The following MIPEP variants were observed in gnomAD, a reference collection of about 807,000 sequenced individuals.
MIPEP encodes the protein mitochondrial intermediate peptidase.
Under a neutral mutation model 90.3 loss-of-function variants are expected in MIPEP, and 79 were observed. The ratio of observed to expected loss-of-function variants is 0.87; its 90% CI spans 0.73 to 1.05. MIPEP has a LOEUF of 1.05. MIPEP is among the 50% of genes least tolerant of loss of function. The pLI, the probability that MIPEP is intolerant of heterozygous loss-of-function variation, is 0.00. For synonymous variants in MIPEP, 334 were observed against 315.8 expected (o/e 1.06, Z -0.61); for missense variants, 940 against 905.6 (o/e 1.04, Z -0.49).
intron 16 of MIPEP, among the ~76,000 whole-genome samples, chr13:23,783,677 G>A (rs1047435342): frequency 2.4e-4 from 36 of 152,304 alleles, no homozygotes; most frequent in African/African-American, 8.4e-4. Flanking sequence ...GTTTGCAGAT[G>A]ACATGATTGT....
chr13:23,848,998 G>A (rs748373926), intron 10 of MIPEP, among the ~76,000 whole-genome samples: 2 of 152,180 alleles, frequency 1.3e-5, no homozygotes, highest in South Asian at 2.1e-4. Flanking sequence ...TCAGGAGGGC[G>A]TGACTGCTGT....
intron 16 of MIPEP, among the ~76,000 whole-genome samples, chr13:23,769,140 G>A (rs765439388): frequency 2.1e-4 from 32 of 152,070 alleles, no homozygotes; most frequent in Non-Finnish European, 3.4e-4. Context: ...CATTCTAAAG[G>A]AACCCATGCT....
chr13:23,864,336 T>G, intron 7 of MIPEP, 147 bp from the exon 8 acceptor site: 1 of 597,012 alleles, frequency 1.7e-6, no homozygotes, highest in Non-Finnish European at 2.9e-6. Context: ...TACCAACATA[T>G]ACCAAACATA....
chr13:23,816,220 T>C (rs1401002996), intron 14 of MIPEP, among the ~76,000 whole-genome samples: 1 of 152,214 alleles, frequency 6.6e-6, no homozygotes, highest in Non-Finnish European at 1.5e-5. Flanking sequence ...TTCTCAGTTA[T>C]TATGCCATCA....
rs189940051 is a variant in MIPEP at position 23,805,023 on chromosome 13, G to C, written c.1848+927C>G. Among the ~76,000 whole-genome samples, 6 of 152,286 alleles carry C rather than the reference G, an allele frequency of 3.9e-5. No individual in the cohort carries two copies. The East Asian group carries it at 1.2e-3, about 29-fold the overall frequency. ...CCGAGCTGAGAGGCAGAAAGAGAGA[G>C]AAACATTTCTAACGACATTGTGGGA... On this transcript the variant is annotated intron_variant, in intron 16 of 18. Transcript: ENST00000382172.
In MIPEP at chr13:23,732,762, T is replaced by C. The variant is rs1184070143; in HGVS notation, c.2045-2317A>G. Reference sequence around the variant, plus strand: ...TCAGAACTGTGGTTGCTTTCGGGAGTGGATATTAGAATCAACTGAGAAGGG... The same window carrying C: ...TCAGAACTGTGGTTGCTTTCGGGAGCGGATATTAGAATCAACTGAGAAGGG... On this transcript the variant is annotated intron_variant, in intron 18 of 18. Transcript: ENST00000382172. Among the ~76,000 whole-genome samples the C allele has an allele frequency of 2.0e-5, 3 of 152,058 alleles. No homozygotes were observed. In the East Asian group the frequency reaches 5.8e-4, roughly 29 times the overall value.
At chr13:23,739,423 G>A (rs1464176465) in intron 18 of MIPEP, among the ~76,000 whole-genome samples, 1 of 152,188 alleles carries the variant, frequency 6.6e-6, no homozygotes, top group African/African-American at 2.4e-5. Flanking sequence ...AATTTGTGTT[G>A]ATCAATTATT....
intron 5 of MIPEP, among the ~76,000 whole-genome samples, chr13:23,872,192 T>C (rs2137521466): frequency 6.6e-6 from 1 of 152,374 alleles, no homozygotes; most frequent in East Asian, 1.9e-4. Context: ...CCGGGTGCAG[T>C]GGCTCACGCC....
In MIPEP at chr13:23,838,818, T is replaced by C. The variant is rs111993750; in HGVS notation, c.1338+831A>G. Among the ~76,000 whole-genome samples the C allele has an allele frequency of 3.0e-3, 464 of 152,300 alleles. 6 individuals carry two copies. The highest frequency in any genetic ancestry group is 0.011 in the African/African-American group (454 of 41,568). ...AGTCTGGTGACCTGCACCCTGTTCC[T>C]ACCTTTCACACCTACTAGACAAATC... On this transcript the variant is annotated intron_variant, in intron 12 of 18. Transcript: ENST00000382172.
chr13:23,753,258 CA>C (rs1018179746), intron 18 of MIPEP, among the ~76,000 whole-genome samples: 2 of 150,138 alleles, frequency 1.3e-5, no homozygotes, highest in African/African-American at 4.9e-5. Flanking sequence ...AATAATAAGA[CA>C]AAAAAAGAAG....
chr13:23,746,108 A>G (rs1952380342), intron 18 of MIPEP, among the ~76,000 whole-genome samples: 2 of 142,346 alleles, frequency 1.4e-5, no homozygotes, highest in African/African-American at 5.2e-5. Context: ...TCTGCCTCCC[A>G]GGTTCAAGTG....
intron 16 of MIPEP, among the ~76,000 whole-genome samples, chr13:23,802,740 A>C (rs1443844634): frequency 2.6e-5 from 4 of 152,004 alleles, no homozygotes; most frequent in Non-Finnish European, 5.9e-5. Context: ...TGAAAGCAAT[A>C]TGCATTCAAT....
Position 23,809,966 on chromosome 13 carries a change from A to G in MIPEP, c.1654-42T>C, listed in dbSNP as rs573307832. 15 of 1,262,186 alleles carry G rather than the reference A, an allele frequency of 1.2e-5. No individual in the cohort carries two copies. The African/African-American group carries it at 2.1e-4, about 17-fold the overall frequency. 78.2% of individuals were successfully genotyped at this position (1,262,186 alleles called of 1,614,324 possible). A position where few individuals can be genotyped will look rare whatever the true frequency, so the allele number is the denominator to read the frequency against. On this transcript the variant is annotated intron_variant, in intron 14 of 18. Transcript: ENST00000382172. ...AATATATATGTGAGTAAACTGCGTA[A>G]TAAGTCACTGCACTATGTATAAGCC...
In MIPEP at chr13:23,854,304, T is replaced by C. The variant is rs181067987; in HGVS notation, c.1106+4556A>G. ...TTCTTAAACAATTTTTTCTTTGTTC[T>C]TTTTCTTTTGACTGAGCCATCCATT... On this transcript the variant is annotated intron_variant, in intron 10 of 18. Coordinates refer to ENST00000382172, the MANE Select transcript of MIPEP (RefSeq NM_005932.4). 1.2e-3 allele frequency among the ~76,000 whole-genome samples: 175 copies of C among 151,996 alleles called. 1 individual carries two copies. Among genetic ancestry groups the C allele is most frequent in the African/African-American group, 4.1e-3 (169 of 41,436 alleles).
chr13:23,730,260 A>G lies in MIPEP; in HGVS notation c.*88T>C, dbSNP rs1263640217. On this transcript the variant is annotated 3_prime_UTR_variant, in exon 19 of 19. Transcript: ENST00000382172. ...TTCAGAATTACAGAAGCGAACAATG[A>G]AATCAGAAACAAGCTCTCACAGCTG... The G allele has an allele frequency of 2.5e-6, 2 of 815,956 alleles. No homozygotes were observed. The highest frequency in any genetic ancestry group is 1.7e-5 in the African/African-American group (1 of 58,402). 50.5% of individuals were successfully genotyped at this position (815,956 alleles called of 1,614,324 possible). A position where few individuals can be genotyped will look rare whatever the true frequency, so the allele number is the denominator to read the frequency against.
chr13:23,839,186 G>C (rs1411097373), intron 12 of MIPEP, among the ~76,000 whole-genome samples: 1 of 152,192 alleles, frequency 6.6e-6, no homozygotes, highest in Non-Finnish European at 1.5e-5. Context: ...TTTTAGAATA[G>C]GTTCATTGTC....
chr13:23,820,350 A>G (rs1300376465), intron 14 of MIPEP, among the ~76,000 whole-genome samples: 1 of 152,204 alleles, frequency 6.6e-6, no homozygotes, highest in Non-Finnish European at 1.5e-5. Context: ...ATTAAATTAT[A>G]CGTAGTCCTA....
chr13:23,851,550 T>C (rs1566017349), intron 10 of MIPEP, among the ~76,000 whole-genome samples: 3 of 152,230 alleles, frequency 2.0e-5, no homozygotes, highest in Admixed American at 1.3e-4. Flanking sequence ...ATTTCCATGT[T>C]GCTGGGAACA....
chr13:23,860,059 C>A (rs1237394395), intron 9 of MIPEP, among the ~76,000 whole-genome samples: 1 of 152,094 alleles, frequency 6.6e-6, no homozygotes, highest in Non-Finnish European at 1.5e-5. Context: ...TAGATGCAGA[C>A]AGAGTGCAGG....
Sources: allele counts gnomAD v4.1 joint callset (sites outside exome capture counted in the v4.1 genomes callset), GRCh38; gene constraint gnomAD v4.1.1; transcripts MANE v1.5; gene names NCBI Gene and HGNC (gene_info 2026-07-23, HGNC 2026-07-21).